The following ATRNL1 variants were observed in gnomAD, a reference collection of about 807,000 sequenced individuals.
ATRNL1 encodes attractin-like protein 1.
Under a neutral mutation model 182.7 loss-of-function variants are expected in ATRNL1, and 95 were observed. That is an observed-to-expected ratio of 0.52 (90% CI 0.44 to 0.62). ATRNL1 has a LOEUF of 0.62. Among genes scored for constraint, ATRNL1 ranks in the 20% least tolerant of loss-of-function variants. ATRNL1 has a pLI of 0.00. For missense variants in ATRNL1, 1,471 were observed against 1,679.5 expected (o/e 0.88, Z 2.17); for synonymous variants, 576 against 568.3 (o/e 1.01, Z -0.19).
intron 28 of ATRNL1, among the ~76,000 whole-genome samples, chr10:115,858,797 A>C (rs782533108): frequency 6.6e-6 from 1 of 152,202 alleles, no homozygotes; most frequent in Non-Finnish European, 1.5e-5. Flanking sequence ...AAAAAAAATT[A>C]CTTTTAATTG....
chr10:115,329,229 T>C (rs1855076948), intron 18 of ATRNL1, among the ~76,000 whole-genome samples: 1 of 152,106 alleles, frequency 6.6e-6, no homozygotes, highest in Admixed American at 6.5e-5. Context: ...TTCTTCTAGT[T>C]TTATTTCATT....
intron 28 of ATRNL1, among the ~76,000 whole-genome samples, chr10:115,852,885 G>T (rs570996435): frequency 1.3e-5 from 2 of 152,062 alleles, no homozygotes; most frequent in Non-Finnish European, 2.9e-5. Context: ...ACTATGACTC[G>T]GTGTATGTAA....
At chr10:115,770,049 A>G (rs1380079355) in intron 27 of ATRNL1, among the ~76,000 whole-genome samples, 1 of 152,084 alleles carries the variant, frequency 6.6e-6, no homozygotes, top group Non-Finnish European at 1.5e-5. Context: ...TTAATTTTAT[A>G]TTCTCTTTCT....
chr10:115,300,519 TCTTTTA>T (rs1853420194), intron 16 of ATRNL1, among the ~76,000 whole-genome samples: 2 of 152,282 alleles, frequency 1.3e-5, no homozygotes, highest in South Asian at 4.1e-4. Flanking sequence ...TTCATTAATG[TCTTTTA>T]CTTTTATCAT....
chr10:115,584,454 A>C (rs1855365265), intron 26 of ATRNL1, among the ~76,000 whole-genome samples: 5 of 141,384 alleles, frequency 3.5e-5, no homozygotes, highest in African/African-American at 1.3e-4. Flanking sequence ...TCAGAGATTC[A>C]ACTTCTTCTT....
At chr10:115,155,178 T>C (rs1554881748) in intron 5 of ATRNL1, among the ~76,000 whole-genome samples, 3 of 152,058 alleles carry the variant, frequency 2.0e-5, no homozygotes, top group Non-Finnish European at 4.4e-5. Flanking sequence ...ATTTTCAGCC[T>C]CTATATGTCT....
intron 28 of ATRNL1, among the ~76,000 whole-genome samples, chr10:115,923,320 A>G (rs1176999810): frequency 2.0e-5 from 3 of 152,200 alleles, no homozygotes; most frequent in East Asian, 3.8e-4. Context: ...GGACACAGGT[A>G]TAGAATGTAC....
intron 26 of ATRNL1, among the ~76,000 whole-genome samples, chr10:115,617,243 G>T (rs902702488): frequency 6.6e-6 from 1 of 152,226 alleles, no homozygotes; most frequent in Admixed American, 6.5e-5. Flanking sequence ...CTTGGTTTCA[G>T]ACTTGCATGG....
chr10:115,865,945 TA>T (rs1555104672), intron 28 of ATRNL1, among the ~76,000 whole-genome samples: 1 of 152,224 alleles, frequency 6.6e-6, no homozygotes, highest in African/African-American at 2.4e-5. Flanking sequence ...GCCTTGTTTT[TA>T]GAAATAGTGA....
At chr10:115,565,348 A>G (rs1854013047) in intron 26 of ATRNL1, among the ~76,000 whole-genome samples, 1 of 152,056 alleles carries the variant, frequency 6.6e-6, no homozygotes, top group African/African-American at 2.4e-5. Context: ...ATAATGTAAA[A>G]TAATAAAAAA....
chr10:115,519,203 A>T, intron 24 of ATRNL1, 60 bp from the exon 25 acceptor site: 5 of 1,359,326 alleles, frequency 3.7e-6, no homozygotes, highest in Non-Finnish European at 4.1e-6. Context: ...ATGTCATGAA[A>T]TATCACCACA....
At chr10:115,238,615 A>G (rs1440132577) in intron 9 of ATRNL1, among the ~76,000 whole-genome samples, 3 of 151,974 alleles carry the variant, frequency 2.0e-5, no homozygotes, top group African/African-American at 4.8e-5. Flanking sequence ...TTAGTTCTAG[A>G]GGGTTTTTTT....
At chr10:115,719,048 A>G (rs1947339477) in intron 26 of ATRNL1, among the ~76,000 whole-genome samples, 1 of 152,240 alleles carries the variant, frequency 6.6e-6, no homozygotes. Flanking sequence ...AAATCTTGAT[A>G]TGAGCAAACT....
intron 24 of ATRNL1, among the ~76,000 whole-genome samples, chr10:115,486,695 T>A (rs1048179596): frequency 6.6e-6 from 1 of 152,156 alleles, no homozygotes; most frequent in African/African-American, 2.4e-5. Flanking sequence ...GTAGGTTGCC[T>A]GTTCACTCTG....
At chr10:115,916,889 T>C (rs1952871337) in intron 28 of ATRNL1, among the ~76,000 whole-genome samples, 1 of 152,226 alleles carries the variant, frequency 6.6e-6, no homozygotes, top group African/African-American at 2.4e-5. Context: ...CTGTTCCTTC[T>C]GTCTGGGTAT....
At chr10:115,212,302 C>CTT (rs57431916) in intron 8 of ATRNL1, among the ~76,000 whole-genome samples, 16 of 144,646 alleles carry the variant, frequency 1.1e-4, no homozygotes, top group African/African-American at 4.1e-4. Context: ...TTTTTTTTAA[C>CTT]TTTTTTTTTT....
At chr10:115,859,861 A>T (rs1452803490) in intron 28 of ATRNL1, among the ~76,000 whole-genome samples, 8 of 152,216 alleles carry the variant, frequency 5.3e-5, no homozygotes, top group Non-Finnish European at 1.2e-4. Flanking sequence ...TGTTGATTAC[A>T]ATTATATTAA....
chr10:115,605,816 A>AAATAAT (rs565908057), intron 26 of ATRNL1, among the ~76,000 whole-genome samples: 77 of 151,454 alleles, frequency 5.1e-4, no homozygotes, highest in African/African-American at 1.8e-3. Flanking sequence ...ATCAGTCTAC[A>AAATAAT]AATAATAATA....
intron 21 of ATRNL1, among the ~76,000 whole-genome samples, chr10:115,445,519 G>A (rs191800994): frequency 1.4e-5 from 2 of 144,672 alleles, no homozygotes; most frequent in Admixed American, 6.9e-5. Flanking sequence ...GTGTGTGTGT[G>A]TGTGTGTGTG....
Sources: gnomAD v4.1 joint callset for allele counts (sites outside exome capture counted in the v4.1 genomes callset) on GRCh38, gnomAD v4.1.1 for gene constraint, MANE v1.5 for transcripts, NCBI Gene and HGNC (gene_info 2026-07-23, HGNC 2026-07-21) for gene names.